The following ANK2 variants were observed in gnomAD, a reference collection of about 807,000 sequenced individuals.
The protein encoded by ANK2 is ankyrin-2.
ANK2 carries 83 observed loss-of-function variants against 360.5 expected under a neutral mutation model. The ratio of observed to expected loss-of-function variants is 0.23; its 90% CI spans 0.19 to 0.28. The LOEUF is 0.28. ANK2 is among the 10% of genes least tolerant of loss of function. The probability of loss-of-function intolerance (pLI) is 1.00; values close to 1 mark genes in which losing one functional copy is unlikely to be tolerated. For missense variants in ANK2, 4,201 were observed against 4,795.7 expected (o/e 0.88, Z 3.66); for synonymous variants, 1,740 against 1,759.5 (o/e 0.99, Z 0.28).
intron 18 of ANK2, among the ~76,000 whole-genome samples, chr4:113,285,820 C>CG (rs948910705): frequency 6.2e-4 from 95 of 152,162 alleles, no homozygotes; most frequent in African/African-American, 2.1e-3. Flanking sequence ...GAAAGGAGGC[C>CG]GGGGGAAGGT....
At chr4:113,277,755 C>T in intron 15 of ANK2, 82 bp from the exon 16 acceptor site, 1 of 1,108,768 alleles carries the variant, frequency 9.0e-7, no homozygotes, top group Non-Finnish European at 1.4e-6. Flanking sequence ...GTATACTTTG[C>T]TCAATATGTT....
At chr4:112,958,439 C>T (rs943559126) in intron 2 of ANK2, among the ~76,000 whole-genome samples, 1 of 152,172 alleles carries the variant, frequency 6.6e-6, no homozygotes, top group East Asian at 1.9e-4. Context: ...CAAAAAAATA[C>T]GAAAAACAGC....
chr4:112,784,350 A>ATTTTT, the ANK2 span, among the ~76,000 whole-genome samples: 1 of 69,554 alleles, frequency 1.4e-5, no homozygotes, highest in Non-Finnish European at 2.8e-5. Context: ...ACCCTGACTG[A>ATTTTT]TTTTTTTTTT....
intron 5 of ANK2, among the ~76,000 whole-genome samples, chr4:113,233,115 T>A (rs1183654025): frequency 1.3e-4 from 1 of 7,820 alleles, no homozygotes; most frequent in African/African-American, 4.2e-4. Flanking sequence ...TGTTTTTTTT[T>A]TTTTTTTTTT....
chr4:113,358,107 T>G lies in ANK2; in HGVS notation c.9489T>G (p.Ala3163=). The G allele has an allele frequency of 6.2e-7, 1 of 1,614,070 alleles. No homozygotes were observed. Among genetic ancestry groups the G allele is most frequent in the African/African-American group, 1.3e-5 (1 of 75,042 alleles). ...ATCCCCTACCGCTGGAGACATCAGC[T>G]GAATCACTAGCACTTTCAGAATCAA... ...GADPLPLETS[A]ESLALSESKE... is the part of the protein sequence containing the mutation. Residue 3163 remains alanine (A), a synonymous_variant, in exon 38 of 46, where the codon GCT becomes GCG. Transcript: ENST00000357077.
intron 1 of ANK2, among the ~76,000 whole-genome samples, chr4:112,864,333 G>A (rs539678879): frequency 7.9e-5 from 12 of 152,134 alleles, no homozygotes; most frequent in Admixed American, 2.6e-4. Context: ...TTTTTGAGAC[G>A]GAGTCTCGCT....
Position 113,363,811 on chromosome 4 carries a change from T to G in ANK2, c.10888+342T>G, listed in dbSNP as rs570711306. Among the ~76,000 whole-genome samples, 4 of 152,270 alleles carry G rather than the reference T, an allele frequency of 2.6e-5. No homozygotes were observed. In the South Asian group the frequency reaches 8.3e-4, roughly 32 times the overall value. On this transcript the variant is annotated intron_variant, in intron 40 of 45. Coordinates refer to ENST00000357077, the MANE Select transcript of ANK2 (RefSeq NM_001148.6). ...ATCCCATTCTGAGTGAGTGTGGGTG[T>G]GTGTGAGTGCCCCCTGCAATGGGAT...
At chr4:112,831,575 GCCAATCAGCCCTGTAAAATGGA>G (rs1482785876) in intron 1 of ANK2, among the ~76,000 whole-genome samples, 2 of 93,488 alleles carry the variant, frequency 2.1e-5, no homozygotes, top group Admixed American at 1.3e-4. Flanking sequence ...TGTAAAATGG[GCCAATCAGCCCTGTAAAATGGA>G]CCAATCAGCA....
At chr4:113,282,255 T>C (rs975263920) in intron 17 of ANK2, among the ~76,000 whole-genome samples, 4 of 152,186 alleles carry the variant, frequency 2.6e-5, no homozygotes, top group African/African-American at 9.7e-5. Flanking sequence ...GGGAGAGATC[T>C]AGAAATGGCA....
chr4:113,339,105 T>C, intron 31 of ANK2, 121 bp from the exon 32 acceptor site: 1 of 796,490 alleles, frequency 1.3e-6, no homozygotes, highest in Non-Finnish European at 2.1e-6. Context: ...GTCATTTTGT[T>C]TTCAATGTGC....
At chr4:113,200,565 G>A (rs901677251) in intron 4 of ANK2, among the ~76,000 whole-genome samples, 2 of 152,060 alleles carry the variant, frequency 1.3e-5, no homozygotes, top group Non-Finnish European at 2.9e-5. Flanking sequence ...ACTTCTAAAT[G>A]AGAACATGCT....
At chr4:113,349,357 T>C (rs977900715) in intron 36 of ANK2, among the ~76,000 whole-genome samples, 2 of 152,188 alleles carry the variant, frequency 1.3e-5, no homozygotes, top group African/African-American at 4.8e-5. Flanking sequence ...TCAAATATAC[T>C]AGTTTTCTTT....
intron 45 of ANK2, among the ~76,000 whole-genome samples, chr4:113,375,547 A>T (rs890512707): frequency 2.0e-5 from 3 of 151,958 alleles, no homozygotes; most frequent in Non-Finnish European, 4.4e-5. Context: ...AACACGGTGA[A>T]ACCCTGTCTC....
chr4:112,896,107 C>G (rs2081657074), intron 1 of ANK2, among the ~76,000 whole-genome samples: 1 of 152,226 alleles, frequency 6.6e-6, no homozygotes, highest in South Asian at 2.1e-4. Flanking sequence ...AAGGAGCTCA[C>G]TTTAGAAGAC....
At chr4:112,711,206 A>AAAG in the ANK2 span, among the ~76,000 whole-genome samples, 2 of 151,450 alleles carry the variant, frequency 1.3e-5, no homozygotes, top group Non-Finnish European at 2.9e-5. Flanking sequence ...AAAAAAAAAA[A>AAAG]AAGTCAGGGT....
chr4:113,132,119 TA>T (rs1279293949), intron 1 of ANK2, among the ~76,000 whole-genome samples: 5 of 152,196 alleles, frequency 3.3e-5, no homozygotes, highest in Admixed American at 2.0e-4. Context: ...CCATATGGTG[TA>T]ATGCCACTTG....
chr4:112,855,662 T>A (rs916690067), intron 1 of ANK2, among the ~76,000 whole-genome samples: 2 of 152,208 alleles, frequency 1.3e-5, no homozygotes, highest in Non-Finnish European at 2.9e-5. Context: ...TGCTATGACT[T>A]AAGTACTATT....
intron 1 of ANK2, among the ~76,000 whole-genome samples, chr4:113,125,451 A>T (rs1273918948): frequency 1.3e-5 from 2 of 152,212 alleles, no homozygotes; most frequent in Non-Finnish European, 2.9e-5. Context: ...AACATACCAG[A>T]AAGCTGTTTA....
At position 113,293,482 on chromosome 4, in the gene ANK2, A is replaced by G; in HGVS notation, c.2419A>G (p.Ile807Val). 6.2e-7 allele frequency: 1 copy of G among 1,612,040 alleles called. No individual in the cohort carries two copies. Residue 807 changes from isoleucine to valine, a missense_variant, in exon 22 of 46, where the codon ATC becomes GTC. Around this residue, in one of 4 missense-constraint regions of ANK2, gnomAD observed 1,268 missense variants for 1,650.8 expected, o/e 0.77. Coordinates refer to ENST00000357077, the MANE Select transcript of ANK2 (RefSeq NM_001148.6). ...GGCGATTGCTAAGCGTCTGGGCTAC[A>G]TCTCCGTGGTCGACACCCTGAAGGT... ...ALAIAKRLGY[I>V]SVVDTLKVVT...
Sources: gnomAD v4.1 joint callset for allele counts (sites outside exome capture counted in the v4.1 genomes callset) on GRCh38, gnomAD v4.1.1 for gene constraint, gnomAD v4.1.1 regional missense constraint, MANE v1.5 for transcripts, NCBI Gene and HGNC (gene_info 2026-07-23, HGNC 2026-07-21) for gene names.